Variants in CCDC141 observed in about 807,000 individuals in gnomAD.
CCDC141 encodes coiled-coil domain containing 141.
A neutral mutation model predicts 181.0 loss-of-function variants in CCDC141; 168 were observed. The ratio of observed to expected loss-of-function variants is 0.93; its 90% confidence interval spans 0.82 to 1.05. The LOEUF is 1.05. Among genes scored for constraint, CCDC141 ranks in the 50% least tolerant of loss-of-function variants. The pLI is 0.00. For missense variants in CCDC141, 1,902 were observed against 1,788.5 expected (o/e 1.06, Z -1.14); for synonymous variants, 666 against 642.3 (o/e 1.04, Z -0.56).
intron 2 of CCDC141, among the ~76,000 whole-genome samples, chr2:179,041,494 T>TG (rs2043303227): frequency 1.9e-5 from 2 of 102,742 alleles, no homozygotes; most frequent in Admixed American, 2.3e-4. Context: ...GTTGTGGGTT[T>TG]TTTTTTTTTT....
chr2:178,878,429 T>TAA (rs1253903600), intron 11 of CCDC141, among the ~76,000 whole-genome samples: 1 of 150,638 alleles, frequency 6.6e-6, no homozygotes, highest in Non-Finnish European at 1.5e-5. Flanking sequence ...TTCCAAGTAT[T>TAA]AATGGCTAAA....
chr2:178,921,117 T>A (rs1166993399), intron 6 of CCDC141, among the ~76,000 whole-genome samples: 2 of 152,208 alleles, frequency 1.3e-5, no homozygotes, highest in Non-Finnish European at 2.9e-5. Context: ...AATTTCTCAG[T>A]GCATGCAAAA....
At chr2:178,873,621 G>C (rs756010803) in intron 12 of CCDC141, 24 of 152,164 alleles carry the variant, frequency 1.6e-4, no homozygotes, top group Non-Finnish European at 2.6e-4. Context: ...GCTAAAGTAG[G>C]ATTTGTAGAT....
Position 178,855,347 on chromosome 2 carries a change from C to G in CCDC141, c.3060G>C (p.Glu1020Asp). 1.2e-6 allele frequency: 2 copies of G among 1,603,644 alleles called. No homozygotes were observed. The highest frequency in any genetic ancestry group is 1.7e-6 in the Non-Finnish European group (2 of 1,176,850). The change falls in exon 19 of 24, where the codon GAG becomes GAC. Residue 1020 changes from glutamate to aspartate, a missense_variant and splice_region_variant. Physicochemically the swap from Glu to Asp is conservative, Grantham distance 45 (BLOSUM62 2). Transcript: ENST00000443758. ...LTEHFQEVIE[E>D]CHFWYEDASA... Reference sequence around the variant, plus strand: ...GGATACCACTGCAAAAAGAGAATACCTCTTCTATCACCTCCTGGAAATGCT... The same window carrying G: ...GGATACCACTGCAAAAAGAGAATACGTCTTCTATCACCTCCTGGAAATGCT...
intron 2 of CCDC141, among the ~76,000 whole-genome samples, chr2:178,981,636 G>GTATATATATGTATATATATATA (rs1691400296): frequency 1.6e-5 from 1 of 62,404 alleles, no homozygotes; most frequent in South Asian, 6.0e-4. Context: ...GTGTGTGTGT[G>GTATATATATGTATATATATATA]TATATATATA....
At chr2:178,828,289 C>T (rs1335083776), downstream of CCDC141, among the ~76,000 whole-genome samples, 3 of 152,162 alleles carry the variant, frequency 2.0e-5, no homozygotes, top group African/African-American at 4.8e-5. Flanking sequence ...TGACACTCAG[C>T]GTCCTCACCG....
At chr2:179,028,463 A>G (rs146658993) in intron 2 of CCDC141, among the ~76,000 whole-genome samples, 4 of 152,330 alleles carry the variant, frequency 2.6e-5, no homozygotes, top group Non-Finnish European at 5.9e-5. Context: ...TCATTAAACA[A>G]TTGCAACTTT....
At chr2:178,881,471 T>C (rs1686603594) in intron 11 of CCDC141, among the ~76,000 whole-genome samples, 1 of 152,178 alleles carries the variant, frequency 6.6e-6, no homozygotes, top group Non-Finnish European at 1.5e-5. Context: ...AGTGGGTAAC[T>C]GGGTCAAATA....
intron 2 of CCDC141, among the ~76,000 whole-genome samples, chr2:179,040,041 G>A (rs1358773229): frequency 1.3e-5 from 2 of 152,190 alleles, no homozygotes; most frequent in Admixed American, 6.5e-5. Context: ...TGGATTGAAA[G>A]TGGTGAGTGG....
At chr2:178,835,028 C>T (rs1684422109) in intron 23 of CCDC141, among the ~76,000 whole-genome samples, 1 of 152,130 alleles carries the variant, frequency 6.6e-6, no homozygotes. Flanking sequence ...AAAAACAAAG[C>T]AGACCATTTG....
At chr2:178,851,775 C>T (rs1236087586) in intron 20 of CCDC141, among the ~76,000 whole-genome samples, 1 of 152,230 alleles carries the variant, frequency 6.6e-6, no homozygotes, top group Non-Finnish European at 1.5e-5. Context: ...AAGGACTAGA[C>T]TGTGGTCTCT....
rs1160863765 is a variant in CCDC141, at chr2:178,831,151, C to T, written c.*3022G>A. ...CATCTTGTTCAAATATTTTAAATAT[C>T]ATAGAATATTCAGAGATTCAAATGT... On this transcript the variant is annotated 3_prime_UTR_variant, in exon 24 of 24. Coordinates refer to ENST00000443758, the MANE Select transcript of CCDC141 (RefSeq NM_173648.4). 6.6e-6 allele frequency: 1 copy of T among 152,070 alleles called. No individual in the cohort carries two copies. Among genetic ancestry groups the T allele is most frequent in the African/African-American group, 2.4e-5 (1 of 41,420 alleles). The allele number at this position is 152,070 out of a possible 1,614,324, so 9.4% of individuals were successfully genotyped here.
chr2:178,870,799 G>T (rs1256284193), intron 14 of CCDC141, among the ~76,000 whole-genome samples: 1 of 152,218 alleles, frequency 6.6e-6, no homozygotes, highest in Non-Finnish European at 1.5e-5. Flanking sequence ...AATCCAGGCA[G>T]AAGTATAATG....
chr2:178,819,885 A>T, the CCDC141 span, among the ~76,000 whole-genome samples: 1 of 152,170 alleles, frequency 6.6e-6, no homozygotes, highest in Non-Finnish European at 1.5e-5. Context: ...ATTCATCTCA[A>T]AACCTAAGCA....
chr2:179,025,955 G>A (rs1032992442), intron 2 of CCDC141, among the ~76,000 whole-genome samples: 1 of 152,200 alleles, frequency 6.6e-6, no homozygotes, highest in African/African-American at 2.4e-5. Flanking sequence ...ATGATTTAGG[G>A]TATCTGGCAG....
intron 6 of CCDC141, among the ~76,000 whole-genome samples, chr2:178,943,027 C>T (rs1412862354): frequency 6.6e-6 from 1 of 152,056 alleles, no homozygotes; most frequent in Non-Finnish European, 1.5e-5. Context: ...CTAGAGGAAA[C>T]CATAACTCTA....
intron 2 of CCDC141, among the ~76,000 whole-genome samples, chr2:178,997,780 T>C (rs1310008163): frequency 6.6e-6 from 1 of 152,202 alleles, no homozygotes; most frequent in African/African-American, 2.4e-5. Context: ...TTTAGAGCTA[T>C]ACAATTCTTT....
intron 2 of CCDC141, among the ~76,000 whole-genome samples, chr2:179,012,625 A>G (rs1488118446): frequency 6.6e-6 from 1 of 152,196 alleles, no homozygotes. Context: ...TGAAGCCAGC[A>G]TTACCCTAAT....
intron 5 of CCDC141, among the ~76,000 whole-genome samples, chr2:178,948,432 G>A (rs1339347180): frequency 6.6e-6 from 1 of 152,164 alleles, no homozygotes; most frequent in African/African-American, 2.4e-5. Flanking sequence ...TTTGTTAAAT[G>A]TAGACTTAAG....
Sources: gnomAD v4.1 joint callset for allele counts (sites outside exome capture counted in the v4.1 genomes callset) on GRCh38, gnomAD v4.1.1 for gene constraint, MANE v1.5 for transcripts, NCBI Gene and HGNC (gene_info 2026-07-23, HGNC 2026-07-21) for gene names.